The following TTF1 variants were observed in gnomAD, a reference collection of about 807,000 sequenced individuals.
The protein encoded by TTF1 is transcription termination factor 1, also known as transcription termination factor, RNA polymerase I.
Under a neutral mutation model 80.2 loss-of-function variants are expected in TTF1, and 64 were observed. The ratio of observed to expected loss-of-function variants is 0.80; its 90% CI spans 0.65 to 0.98. The LOEUF (loss-of-function observed/expected upper bound fraction) is 0.98. TTF1 is among the 50% of genes least tolerant of loss of function. The pLI is 0.00. For missense variants in TTF1, 1,023 were observed against 1,086.2 expected, an observed-to-expected ratio of 0.94 and a Z score of 0.82; for synonymous variants, 372 against 382.7, an observed-to-expected ratio of 0.97 and a Z score of 0.33.
chr9:132,401,472 G>C lies in TTF1; in HGVS notation c.1350C>G (p.His450Gln). 2 of 1,611,504 alleles carry C rather than the reference G, an allele frequency of 1.2e-6. No homozygotes were observed. The highest frequency in any genetic ancestry group is 1.7e-6 in the Non-Finnish European group (2 of 1,178,472). Residue 450 changes from histidine to glutamine, a missense_variant, in exon 2 of 11, where the codon CAC (histidine) becomes CAG (glutamine). His to Gln is a conservative substitution (Grantham distance 24). Transcript: ENST00000334270. ...KKTQACLASK[H>Q]VQEAPRLEPA... is the part of the protein sequence containing the mutation. ...CTCGTTACCTTGGCGCCTCTTGCAC[G>C]TGCTTGCTTGCCAAACAGGCCTGGG... is the stretch of plus-strand genomic sequence containing the variant.
intron 9 of TTF1, among the ~76,000 whole-genome samples, chr9:132,385,779 C>CACTACGTTT (rs11272258): frequency 6.6e-6 from 1 of 152,170 alleles, no homozygotes. Flanking sequence ...AGTTCCTACT[C>CACTACGTTT]TGTGCCTGGT....
At chr9:132,377,671 G>GGT (rs1564181379) in intron 10 of TTF1, among the ~76,000 whole-genome samples, 1 of 121,220 alleles carries the variant, frequency 8.2e-6, no homozygotes, top group African/African-American at 3.2e-5. Flanking sequence ...GAGTGCATGT[G>GGT]GTGTGTGAAT....
chr9:132,379,616 A>C (rs1243864627), intron 9 of TTF1, among the ~76,000 whole-genome samples: 1 of 152,208 alleles, frequency 6.6e-6, no homozygotes, highest in Non-Finnish European at 1.5e-5. Context: ...TCACATGGCT[A>C]ATCAGGGATA....
intron 9 of TTF1, among the ~76,000 whole-genome samples, chr9:132,385,677 C>T (rs1181928096): frequency 6.6e-6 from 1 of 152,210 alleles, no homozygotes; most frequent in Non-Finnish European, 1.5e-5. Flanking sequence ...TTGCCCCCGA[C>T]GTCCCTTCTA....
intron 6 of TTF1, among the ~76,000 whole-genome samples, chr9:132,391,049 CT>C (rs1413904693): frequency 6.6e-6 from 1 of 152,090 alleles, no homozygotes; most frequent in Non-Finnish European, 1.5e-5. Context: ...TCAATAAGTC[CT>C]TTCTTAAAGC....
intron 9 of TTF1, among the ~76,000 whole-genome samples, chr9:132,379,944 A>G (rs998795967): frequency 3.3e-5 from 5 of 152,278 alleles, no homozygotes; most frequent in Non-Finnish European, 5.9e-5. Context: ...AATGATTAGC[A>G]TGAAGAATTT....
chr9:132,399,184 G>C (rs1460290778), intron 3 of TTF1, among the ~76,000 whole-genome samples: 2 of 130,336 alleles, frequency 1.5e-5, no homozygotes, highest in African/African-American at 5.9e-5. Flanking sequence ...GGGCTACAGA[G>C]CAAGACTCTG....
In TTF1 at chr9:132,398,339, AG is replaced by A. The variant is rs757580764; in HGVS notation, c.1592-14del. The A allele has an allele frequency of 4.4e-6, 7 of 1,593,552 alleles. 1 individual carries two copies. The East Asian group carries it at 9.0e-5, about 21-fold the overall frequency. ...TTAATAGCGACACCTAGAATTGGGA[AG>A]GAACAGGGAGAAAGTGTGTATTGTT... On this transcript the variant is annotated splice_polypyrimidine_tract_variant and intron_variant, in intron 3 of 10. Transcript: ENST00000334270.
Position 132,397,768 on chromosome 9 carries a change from C to T in TTF1, c.1777+373G>A, listed in dbSNP as rs1476344938. ...TTGGGAGGCCGAGGCAGGCGGATCA[C>T]GAGGTCAGGAGTTCGAGACCATCCT... On this transcript the variant is annotated intron_variant, in intron 4 of 10. Coordinates refer to ENST00000334270, the MANE Select transcript of TTF1 (RefSeq NM_007344.4). Among the ~76,000 whole-genome samples the T allele has an allele frequency of 3.3e-5, 5 of 152,030 alleles. No homozygotes were observed. The South Asian group carries it at 6.2e-4, about 19-fold the overall frequency.
At chr9:132,381,575 GCACATCAGCGT>G (rs1849372960) in intron 9 of TTF1, among the ~76,000 whole-genome samples, 1 of 152,216 alleles carries the variant, frequency 6.6e-6, no homozygotes, top group East Asian at 1.9e-4. Flanking sequence ...CTGGTGGGGT[GCACATCAGCGT>G]CACCTCCTTC....
chr9:132,379,483 C>T (rs1849330112), intron 9 of TTF1, among the ~76,000 whole-genome samples: 1 of 152,142 alleles, frequency 6.6e-6, no homozygotes, highest in Non-Finnish European at 1.5e-5. Flanking sequence ...TGTGCTCAGC[C>T]CTGCCCTAAG....
At chr9:132,404,398 G>C (rs1929904) in intron 1 of TTF1, among the ~76,000 whole-genome samples, 134,484 of 150,862 alleles carry the variant, frequency 0.89, 59,973 homozygotes, top group East Asian at 0.97. Flanking sequence ...CTCTCTCTCT[G>C]TCTCGCTGCA....
chr9:132,375,736 G>A lies in TTF1; in HGVS notation c.*179C>T. ...AGAAATAGTAATCTCTCTCTCTCAT[G>A]CGGTGGTGCGATCTTGGCTCACTGC... On this transcript the variant is annotated 3_prime_UTR_variant, in exon 11 of 11. Transcript: ENST00000334270. The A allele has an allele frequency of 1.8e-6, 1 of 557,644 alleles. No individual in the cohort carries two copies. Among genetic ancestry groups the A allele is most frequent in the East Asian group, 3.1e-5 (1 of 32,626 alleles). 34.5% of individuals were successfully genotyped at this position (557,644 alleles called of 1,614,324 possible).
rs771949472 is a variant in TTF1, at chr9:132,390,638, A to G, written c.2181T>C (p.Ala727=). The change falls in exon 7 of 11, where the codon GCT becomes GCC. Residue 727 remains alanine (A), a synonymous_variant. Coordinates refer to ENST00000334270, the MANE Select transcript of TTF1 (RefSeq NM_007344.4). ...GCATCCAATTTCTGGTTTGCACTTT[A>G]GCTTCTACTTCTACCCAAGATATGC... ...YKGISWVEVE[A]KVQTRNWMQC... The G allele has an allele frequency of 1.9e-6, 3 of 1,614,204 alleles. No homozygotes were observed. The South Asian group carries it at 3.3e-5, about 18-fold the overall frequency.
intron 1 of TTF1, among the ~76,000 whole-genome samples, chr9:132,403,223 A>G (rs540908365): frequency 4.6e-5 from 7 of 152,348 alleles, no homozygotes; most frequent in South Asian, 2.1e-4. Flanking sequence ...TGTATGACAA[A>G]TGACAAGCCT....
intron 4 of TTF1, 81 bp from the exon 5 acceptor site, chr9:132,396,592 T>A: frequency 9.1e-7 from 1 of 1,099,812 alleles, no homozygotes; most frequent in Non-Finnish European, 1.4e-6. Context: ...ACAGCCCTTA[T>A]AACAACATGA....
Position 132,400,030 on chromosome 9 carries a change from C to T in TTF1, c.1591+5G>A. 2 of 1,614,154 alleles carry T rather than the reference C, an allele frequency of 1.2e-6. No homozygotes were observed. Among genetic ancestry groups the T allele is most frequent in the Admixed American group, 1.7e-5 (1 of 60,024 alleles). ...TCAACAAACACTAAGGCCCCACAAG[C>T]TCACCTTGTGCTTTAAATTCCTTAA... On this transcript the variant is annotated splice_donor_5th_base_variant and intron_variant, in intron 3 of 10. Coordinates refer to ENST00000334270, the MANE Select transcript of TTF1 (RefSeq NM_007344.4).
At chr9:132,377,423 T>G (rs1054958089) in intron 10 of TTF1, among the ~76,000 whole-genome samples, 8 of 98,808 alleles carry the variant, frequency 8.1e-5, no homozygotes, top group African/African-American at 3.4e-4. Context: ...TGTGAGTGCA[T>G]GCATGTGGTG....
intron 6 of TTF1, 101 bp downstream of exon 6, chr9:132,391,975 C>G: frequency 6.5e-7 from 1 of 1,535,712 alleles, no homozygotes; most frequent in Middle Eastern, 2.4e-4. Flanking sequence ...TTGCGGAAGA[C>G]AGGTCTACGG....
Sources: gnomAD v4.1 joint callset for allele counts (sites outside exome capture counted in the v4.1 genomes callset) on GRCh38, gnomAD v4.1.1 for gene constraint, MANE v1.5 for transcripts, NCBI Gene and HGNC (gene_info 2026-07-23, HGNC 2026-07-21) for gene names.